CACNA1C: variants seen among roughly 807,000 people sequenced by gnomAD.
CACNA1C encodes calcium voltage-gated channel subunit alpha1 C, also known as voltage-dependent L-type calcium channel subunit alpha-1C.
In CACNA1C, 30 loss-of-function variants were observed where a neutral mutation model predicts 229.0. The ratio of observed to expected loss-of-function variants is 0.13; its 90% CI spans 0.10 to 0.18. The LOEUF (loss-of-function observed/expected upper bound fraction) is 0.18, where lower values mean the gene tolerates loss of function less well. CACNA1C is among the 10% of genes least tolerant of loss of function. The pLI is 1.00. For missense variants in CACNA1C, 1,658 were observed against 2,845.0 expected, an observed-to-expected ratio of 0.58 and a Z score of 9.49; for synonymous variants, 1,114 against 1,132.5, an observed-to-expected ratio of 0.98 and a Z score of 0.33.
At chr12:2,130,498 C>T (rs2091971909) in intron 3 of CACNA1C, among the ~76,000 whole-genome samples, 1 of 127,816 alleles carries the variant, frequency 7.8e-6, no homozygotes, top group Admixed American at 8.1e-5. Flanking sequence ...ATTCCCTTTC[C>T]TGTGTCCATG....
At chr12:2,641,328 AC>A in intron 30 of CACNA1C, 1 of 174,172 alleles carries the variant, frequency 5.7e-6, no homozygotes. Context: ...CAGGTTTTTC[AC>A]AGCAAGCTGA....
intron 3 of CACNA1C, among the ~76,000 whole-genome samples, chr12:2,191,996 G>A (rs1005862305): frequency 1.3e-5 from 2 of 150,690 alleles, no homozygotes; most frequent in Admixed American, 6.6e-5. Context: ...ACGCACACAT[G>A]TATTCACACA....
chr12:2,309,192 T>C (rs1480092545), intron 3 of CACNA1C, among the ~76,000 whole-genome samples: 3 of 152,278 alleles, frequency 2.0e-5, no homozygotes, highest in East Asian at 1.9e-4. Flanking sequence ...TTTGCAACAG[T>C]GTGGATGAAC....
chr12:2,191,936 A>G (rs1379551255), intron 3 of CACNA1C, among the ~76,000 whole-genome samples: 1 of 152,006 alleles, frequency 6.6e-6, no homozygotes, highest in African/African-American at 2.4e-5. Context: ...ACACCTACAC[A>G]TGGACACTCA....
intron 9 of CACNA1C, among the ~76,000 whole-genome samples, chr12:2,516,631 T>C (rs1598633101): frequency 6.6e-6 from 1 of 151,926 alleles, no homozygotes; most frequent in South Asian, 2.1e-4. Context: ...GAGAGAGAGG[T>C]AGGGCATTTT....
chr12:2,293,319 T>C (rs1390352610), intron 3 of CACNA1C, among the ~76,000 whole-genome samples: 4 of 152,232 alleles, frequency 2.6e-5, no homozygotes, highest in African/African-American at 9.7e-5. Context: ...AATAAGCTTT[T>C]ATACATATGG....
intron 29 of CACNA1C, among the ~76,000 whole-genome samples, chr12:2,625,615 G>C (rs951581460): frequency 6.6e-6 from 1 of 152,088 alleles, no homozygotes; most frequent in Admixed American, 6.5e-5. Context: ...GCACGTTCTC[G>C]GTGCCAGACA....
intron 29 of CACNA1C, among the ~76,000 whole-genome samples, chr12:2,627,280 G>A (rs959946350): frequency 6.6e-5 from 10 of 152,156 alleles, no homozygotes; most frequent in East Asian, 1.9e-4. Flanking sequence ...TCCATTAGGT[G>A]CCACTAATTT....
intron 3 of CACNA1C, among the ~76,000 whole-genome samples, chr12:2,351,638 A>G (rs1323106145): frequency 6.6e-6 from 1 of 152,120 alleles, no homozygotes; most frequent in Non-Finnish European, 1.5e-5. Flanking sequence ...GGTCTTTCCC[A>G]CTTGTCCTTC....
chr12:1,972,478 G>T (rs1227939483), intron 1 of CACNA1C, among the ~76,000 whole-genome samples: 1 of 151,978 alleles, frequency 6.6e-6, no homozygotes, highest in African/African-American at 2.4e-5. Context: ...AAGATCCCAA[G>T]ATATTTAAAA....
At chr12:2,110,923 T>TCCCCAGAGGCCATACCTGTCTCA (rs2081404423) in intron 1 of CACNA1C, among the ~76,000 whole-genome samples, 1 of 64,318 alleles carries the variant, frequency 1.6e-5, no homozygotes, top group African/African-American at 4.7e-5. Context: ...AGGTGGTCAG[T>TCCCCAGAGGCCATACCTGTCTCA]CCCGAGAGGC....
At position 2,654,227 on chromosome 12, in the gene CACNA1C, C is replaced by G. The variant is rs1024056879; in HGVS notation, c.4140+327C>G. Among the ~76,000 whole-genome samples, 1 of 152,194 alleles carries G rather than the reference C, an allele frequency of 6.6e-6. No homozygotes were observed. Among genetic ancestry groups the G allele is most frequent in the Non-Finnish European group, 1.5e-5 (1 of 68,040 alleles). The stretch of plus-strand genomic sequence containing the variant: ...CCTCGGGACAGACACAGCCCCTTCT[C>G]AAGAAACAGCAGCAAGGTGTGTCTG... On this transcript the variant is annotated intron_variant, in intron 33 of 46. Coordinates refer to ENST00000399655, the MANE Select transcript of CACNA1C (RefSeq NM_000719.7). The surrounding 1 kb of genome is among the most constrained non-coding windows in gnomAD (Gnocchi z 4.4).
At chr12:2,390,751 G>T (rs763351156) in intron 3 of CACNA1C, among the ~76,000 whole-genome samples, 2 of 152,074 alleles carry the variant, frequency 1.3e-5, no homozygotes, top group Non-Finnish European at 2.9e-5. Context: ...AAAAGAGAGA[G>T]CAAGAGCTAA....
At chr12:2,336,858 C>A (rs2096711862) in intron 3 of CACNA1C, among the ~76,000 whole-genome samples, 1 of 152,102 alleles carries the variant, frequency 6.6e-6, no homozygotes, top group African/African-American at 2.4e-5. Context: ...GAGTGGAGTG[C>A]CATGTCGGGC....
chr12:2,232,227 G>GTTTTTTT (rs1169407536), intron 3 of CACNA1C, among the ~76,000 whole-genome samples: 209 of 73,504 alleles, frequency 2.8e-3, no homozygotes, highest in Non-Finnish European at 3.6e-3. Context: ...GTCTTTCCTT[G>GTTTTTTT]TTTTTTTTTT....
chr12:2,447,443 G>A (rs903498056), intron 3 of CACNA1C, among the ~76,000 whole-genome samples: 4 of 152,274 alleles, frequency 2.6e-5, no homozygotes, highest in East Asian at 1.9e-4. Context: ...TGGTTCTTCC[G>A]GGTACCTCAG....
chr12:2,156,193 G>T (rs978918024), intron 3 of CACNA1C, among the ~76,000 whole-genome samples: 1 of 152,180 alleles, frequency 6.6e-6, no homozygotes, highest in African/African-American at 2.4e-5. Flanking sequence ...AATGATGATC[G>T]CAAAGTCAAG....
At chr12:2,485,499 G>A (rs2099694239) in intron 5 of CACNA1C, among the ~76,000 whole-genome samples, 2 of 152,178 alleles carry the variant, frequency 1.3e-5, no homozygotes, top group Non-Finnish European at 2.9e-5. Flanking sequence ...CCCCAGGCGG[G>A]CTTTTCCTTT....
At chr12:2,562,794 G>C (rs2048199604) in intron 11 of CACNA1C, among the ~76,000 whole-genome samples, 1 of 152,212 alleles carries the variant, frequency 6.6e-6, no homozygotes. Flanking sequence ...GTGATGTTTT[G>C]ATCCAGGTGT....
Sources: gnomAD v4.1 joint callset for allele counts (sites outside exome capture counted in the v4.1 genomes callset) on GRCh38, gnomAD v4.1.1 for gene constraint, Gnocchi (gnomAD v3.1) non-coding constraint, MANE v1.5 for transcripts, NCBI Gene and HGNC (gene_info 2026-07-23, HGNC 2026-07-21) for gene names.